The following KAZN variants were observed in gnomAD, a reference collection of about 807,000 sequenced individuals.
The protein encoded by KAZN is kazrin.
A neutral mutation model predicts 87.4 loss-of-function variants in KAZN; 40 were observed. The ratio of observed to expected loss-of-function variants is 0.46; its 90% CI spans 0.36 to 0.60. The LOEUF is 0.60. Among genes scored for constraint, KAZN ranks in the 20% least tolerant of loss-of-function variants. KAZN has a pLI of 0.00. For missense variants in KAZN, 898 were observed against 1,073.9 expected (o/e 0.84, Z 2.29); for synonymous variants, 466 against 458.3 (o/e 1.02, Z -0.22).
chr1:14,108,715 C>G (rs112483669), intron 1 of KAZN, among the ~76,000 whole-genome samples: 15 of 152,164 alleles, frequency 9.9e-5, no homozygotes, highest in Non-Finnish European at 2.1e-4. Context: ...AGCTGGGAAC[C>G]GTGTGGACTT....
intron 2 of KAZN, among the ~76,000 whole-genome samples, chr1:14,438,560 G>A (rs1472310294): frequency 6.6e-6 from 1 of 152,204 alleles, no homozygotes; most frequent in African/African-American, 2.4e-5. Flanking sequence ...CCCTGGGGCA[G>A]GAGTGTGGGA....
chr1:14,892,271 C>T (rs1305447819), intron 1 of KAZN, among the ~76,000 whole-genome samples: 5 of 152,192 alleles, frequency 3.3e-5, no homozygotes, highest in Non-Finnish European at 7.4e-5. Flanking sequence ...TCAGTCCCTG[C>T]CCCGGGGCTC....
At chr1:15,055,735 G>A (rs1170478766) in intron 4 of KAZN, among the ~76,000 whole-genome samples, 2 of 152,156 alleles carry the variant, frequency 1.3e-5, no homozygotes, top group African/African-American at 2.4e-5. Flanking sequence ...TATGTAAGCA[G>A]TGCCCCCTAG....
At chr1:14,696,928 C>T (rs574390454) in intron 1 of KAZN, among the ~76,000 whole-genome samples, 7 of 151,968 alleles carry the variant, frequency 4.6e-5, no homozygotes, top group South Asian at 2.1e-4. Flanking sequence ...TGCCAACAGG[C>T]GGGGGTCCTT....
chr1:15,114,050 A>G (rs1641753762), intron 14 of KAZN: 1 of 158,550 alleles, frequency 6.3e-6, no homozygotes, highest in Non-Finnish European at 1.4e-5. Context: ...TTTCTGCCAC[A>G]CCAGGCCGTC....
intron 1 of KAZN, among the ~76,000 whole-genome samples, chr1:14,706,108 T>C (rs982955777): frequency 8.5e-5 from 13 of 152,138 alleles, no homozygotes; most frequent in African/African-American, 2.9e-4. Flanking sequence ...GGGATCTAGG[T>C]TGTGAGCTCC....
At chr1:14,798,477 G>A (rs1645901333) in intron 1 of KAZN, among the ~76,000 whole-genome samples, 1 of 84,366 alleles carries the variant, frequency 1.2e-5, no homozygotes, top group African/African-American at 6.1e-5. Flanking sequence ...ACCCAGTCTA[G>A]AGTGCAGTGG....
At chr1:14,412,974 T>C (rs967810461) in intron 2 of KAZN, among the ~76,000 whole-genome samples, 3 of 148,482 alleles carry the variant, frequency 2.0e-5, no homozygotes, top group African/African-American at 7.3e-5. Context: ...AATGTATAAA[T>C]ATATAAAATA....
rs1272269135 is a variant in KAZN, at chr1:14,598,799, C to T, written c.-199C>T. 23 of 1,349,488 alleles carry T rather than the reference C, an allele frequency of 1.7e-5. No individual in the cohort carries two copies. Among genetic ancestry groups the T allele is most frequent in the Admixed American group, 4.2e-5 (1 of 23,982 alleles). 83.6% of individuals were successfully genotyped at this position (1,349,488 alleles called of 1,614,324 possible). On this transcript the variant is annotated 5_prime_UTR_variant, in exon 1 of 15. Transcript: ENST00000376030. The surrounding 1 kb of genome is among the most constrained non-coding windows in gnomAD (Gnocchi z 4.2). ...CCTCCTCCCCCCGCCGCCTCGCCAC[C>T]GCCGCGGCTAGGGCTGGAGGCGCCG...
At chr1:14,044,390 G>T (rs1026350053) in intron 1 of KAZN, among the ~76,000 whole-genome samples, 1 of 151,642 alleles carries the variant, frequency 6.6e-6, no homozygotes, top group Admixed American at 6.6e-5. Context: ...TCACTGTTCC[G>T]CCCCCCACCA....
chr1:14,269,984 G>A (rs915268981), intron 2 of KAZN, among the ~76,000 whole-genome samples: 1 of 152,164 alleles, frequency 6.6e-6, no homozygotes, highest in African/African-American at 2.4e-5. Flanking sequence ...CAGTTCCACA[G>A]CCTGGGAAGT....
intron 2 of KAZN, among the ~76,000 whole-genome samples, chr1:14,481,938 T>C (rs895910104): frequency 6.6e-6 from 1 of 152,224 alleles, no homozygotes; most frequent in Non-Finnish European, 1.5e-5. Context: ...ACGGCATGCC[T>C]GCATGGAGTG....
intron 2 of KAZN, among the ~76,000 whole-genome samples, chr1:15,030,139 G>A (rs1471925000): frequency 6.6e-6 from 1 of 152,166 alleles, no homozygotes; most frequent in Non-Finnish European, 1.5e-5. Flanking sequence ...GCCTCTCCTA[G>A]GAGGGCGGCC....
chr1:14,708,221 GCT>G (rs906468507), intron 1 of KAZN, among the ~76,000 whole-genome samples: 2 of 152,136 alleles, frequency 1.3e-5, no homozygotes, highest in African/African-American at 4.8e-5. Context: ...GAAATCCATT[GCT>G]CCCCTGGAGA....
At chr1:14,980,924 A>T (rs7512273) in intron 2 of KAZN, among the ~76,000 whole-genome samples, 46,894 of 151,974 alleles carry the variant, frequency 0.31, 7,445 homozygotes, top group Middle Eastern at 0.37. Flanking sequence ...GCGTGTCTTC[A>T]GTGTGAGCCC....
intron 2 of KAZN, among the ~76,000 whole-genome samples, chr1:14,417,868 C>A (rs1277407949): frequency 1.3e-5 from 2 of 151,126 alleles, no homozygotes; most frequent in African/African-American, 4.9e-5. Context: ...TGGTGGCAGG[C>A]GCCTGTAGTC....
At chr1:15,109,623 GTGTA>G (rs373428177) in intron 13 of KAZN, among the ~76,000 whole-genome samples, 7,739 of 143,722 alleles carry the variant, frequency 0.054, 224 homozygotes, top group Middle Eastern at 0.068. Context: ...GTGTGTGTGT[GTGTA>G]TATATGTGTA....
At position 14,618,192 on chromosome 1, in the gene KAZN, T is replaced by C. The variant is rs149564860; in HGVS notation, c.226+18969T>C. ...GTTTGTAAGGTGTGTCCCATGTCCA[T>C]GGAAACACACTGGGGCATGGCCCCA... On this transcript the variant is annotated intron_variant, in intron 1 of 14. Transcript: ENST00000376030. Among the ~76,000 whole-genome samples, 105 of 152,316 alleles carry C rather than the reference T, an allele frequency of 6.9e-4. 1 individual carries two copies. The East Asian group carries it at 0.014, about 20-fold the overall frequency.
intron 1 of KAZN, among the ~76,000 whole-genome samples, chr1:14,921,226 G>T (rs1658489522): frequency 6.6e-6 from 1 of 151,534 alleles, no homozygotes; most frequent in South Asian, 2.1e-4. Context: ...CTGAGTAAAA[G>T]TTACAGAGGG....
Sources: gnomAD v4.1 joint callset for allele counts (sites outside exome capture counted in the v4.1 genomes callset) on GRCh38, gnomAD v4.1.1 for gene constraint, Gnocchi (gnomAD v3.1) non-coding constraint, MANE v1.5 for transcripts, NCBI Gene and HGNC (gene_info 2026-07-23, HGNC 2026-07-21) for gene names.